PRKN: variants seen among roughly 807,000 people sequenced by gnomAD.
The protein encoded by PRKN is E3 ubiquitin-protein ligase parkin.
Under a neutral mutation model 59.5 loss-of-function variants are expected in PRKN, and 56 were observed. That is an observed-to-expected ratio of 0.94 (90% CI 0.76 to 1.18). The LOEUF is 1.18. PRKN is among the 50% of genes most tolerant of loss of function. The probability of loss-of-function intolerance (pLI) is 0.00; values close to 1 mark genes in which losing one functional copy is unlikely to be tolerated. For missense variants in PRKN, 657 were observed against 596.4 expected, an observed-to-expected ratio of 1.10 and a Z score of -1.06; for synonymous variants, 250 against 222.1, an observed-to-expected ratio of 1.13 and a Z score of -1.12.
At chr6:161,899,091 T>C (rs565943489) in intron 6 of PRKN, among the ~76,000 whole-genome samples, 1 of 152,306 alleles carries the variant, frequency 6.6e-6, no homozygotes, top group South Asian at 2.1e-4. Flanking sequence ...CCGGCCAGAG[T>C]CAGCATCCTC....
At chr6:162,104,832 G>A (rs545848479) in intron 4 of PRKN, among the ~76,000 whole-genome samples, 42 of 152,282 alleles carry the variant, frequency 2.8e-4, no homozygotes, top group South Asian at 2.7e-3. Flanking sequence ...GCAAAATTAA[G>A]AAGTAAAATA....
intron 8 of PRKN, among the ~76,000 whole-genome samples, chr6:161,563,791 T>C (rs986139588): frequency 4.6e-5 from 7 of 152,186 alleles, no homozygotes; most frequent in African/African-American, 1.7e-4. Context: ...AATGAATTAG[T>C]AATTAACCAG....
intron 7 of PRKN, among the ~76,000 whole-genome samples, chr6:161,771,127 T>C (rs1233057974): frequency 6.6e-6 from 1 of 151,422 alleles, no homozygotes; most frequent in Admixed American, 6.6e-5. Context: ...GAGGCCGAGG[T>C]GGGCGGATTA....
chr6:161,434,148 G>A lies in PRKN; in HGVS notation c.1084-47271C>T, dbSNP rs562559978. 2.0e-5 allele frequency among the ~76,000 whole-genome samples: 3 copies of A among 152,202 alleles called. No homozygotes were observed. In the South Asian group the frequency reaches 6.2e-4, roughly 32 times the overall value. ...TTGTTTTCAAAATTTTGTATGTGGG[G>A]AATATATTATTAGGAAAACAGTTTG... On this transcript the variant is annotated intron_variant, in intron 9 of 11. Coordinates refer to ENST00000366898, the MANE Select transcript of PRKN (RefSeq NM_004562.3).
chr6:161,531,805 C>A (rs1181140854), intron 9 of PRKN, among the ~76,000 whole-genome samples: 1 of 151,986 alleles, frequency 6.6e-6, no homozygotes, highest in Admixed American at 6.5e-5. Context: ...GGATTACCTG[C>A]GTCTATTATC....
intron 1 of PRKN, among the ~76,000 whole-genome samples, chr6:162,690,631 A>AG (rs1380052694): frequency 6.6e-6 from 1 of 152,210 alleles, no homozygotes; most frequent in African/African-American, 2.4e-5. Flanking sequence ...TGATAACAGT[A>AG]GATAATAAAT....
intron 4 of PRKN, among the ~76,000 whole-genome samples, chr6:162,191,713 G>A (rs2128326963): frequency 6.6e-6 from 1 of 152,284 alleles, no homozygotes; most frequent in South Asian, 2.1e-4. Flanking sequence ...AAAGTGCTGG[G>A]ATTACAGGTG....
chr6:161,550,513 T>C lies in PRKN; in HGVS notation c.934-1510A>G, dbSNP rs1415254278. The stretch of plus-strand genomic sequence containing the variant: ...TCAACATCTATGCAAAAGATGGCAC[T>C]GGCTTGAACCGGGAAGGTAGTGCTG... On this transcript the variant is annotated intron_variant, in intron 8 of 11. Transcript: ENST00000366898. The surrounding 1 kb of genome is among the most constrained non-coding windows in gnomAD (Gnocchi z 4.0). Among the ~76,000 whole-genome samples the C allele has an allele frequency of 6.6e-6, 1 of 152,216 alleles. No homozygotes were observed. The highest frequency in any genetic ancestry group is 1.5e-5 in the Non-Finnish European group (1 of 68,040).
chr6:162,691,729 A>C (rs1777781550), intron 1 of PRKN, among the ~76,000 whole-genome samples: 1 of 152,196 alleles, frequency 6.6e-6, no homozygotes. Flanking sequence ...TCATAAACAA[A>C]TACTTAGAAA....
chr6:161,843,118 A>C (rs1793057013), intron 6 of PRKN, among the ~76,000 whole-genome samples: 1 of 152,170 alleles, frequency 6.6e-6, no homozygotes, highest in African/African-American at 2.4e-5. Context: ...AATAAGGGTT[A>C]ATAATTTATA....
At chr6:162,619,316 A>ATTT (rs11436212) in intron 1 of PRKN, among the ~76,000 whole-genome samples, 79 of 147,746 alleles carry the variant, frequency 5.3e-4, no homozygotes, top group Non-Finnish European at 9.3e-4. Flanking sequence ...CTAATTTTTA[A>ATTT]TTTTTTTTTT....
chr6:161,689,706 T>C (rs1454875806), intron 7 of PRKN, among the ~76,000 whole-genome samples: 3 of 152,154 alleles, frequency 2.0e-5, no homozygotes, highest in Non-Finnish European at 4.4e-5. Flanking sequence ...AGTCATTCTA[T>C]AAAGAAAAAT....
At chr6:162,359,079 A>AAAAAAAAAAAATATATATATATATAT (rs57265104) in intron 2 of PRKN, among the ~76,000 whole-genome samples, 3 of 83,244 alleles carry the variant, frequency 3.6e-5, no homozygotes, top group African/African-American at 2.2e-4. Context: ...AAAAAAAAAA[A>AAAAAAAAAAAATATATATATATATAT]ATATATATAT....
At chr6:162,399,536 C>T (rs1295407868) in intron 2 of PRKN, among the ~76,000 whole-genome samples, 1 of 151,902 alleles carries the variant, frequency 6.6e-6, no homozygotes, top group South Asian at 2.1e-4. Context: ...ATAACACATA[C>T]ACACACACAC....
intron 6 of PRKN, among the ~76,000 whole-genome samples, chr6:161,936,821 T>C (rs1045089509): frequency 2.0e-5 from 3 of 151,632 alleles, no homozygotes; most frequent in African/African-American, 7.3e-5. Context: ...AGTCTTGCTC[T>C]GTCACCCAGG....
chr6:162,594,248 G>A (rs60112129), intron 1 of PRKN, among the ~76,000 whole-genome samples: 1 of 151,974 alleles, frequency 6.6e-6, no homozygotes, highest in Non-Finnish European at 1.5e-5. Flanking sequence ...CATGCCCTTT[G>A]CATACTTTAA....
At chr6:162,039,276 C>G (rs186919487) in intron 5 of PRKN, among the ~76,000 whole-genome samples, 1 of 152,136 alleles carries the variant, frequency 6.6e-6, no homozygotes, top group Non-Finnish European at 1.5e-5. Context: ...GATCACATAA[C>G]TCTACTTCGG....
intron 1 of PRKN, among the ~76,000 whole-genome samples, chr6:162,630,988 C>G (rs1783089942): frequency 6.6e-6 from 1 of 152,114 alleles, no homozygotes; most frequent in South Asian, 2.1e-4. Flanking sequence ...TAGTATAACT[C>G]AGGAAATTAC....
At chr6:162,216,357 C>A (rs978222334) in intron 3 of PRKN, among the ~76,000 whole-genome samples, 5 of 151,176 alleles carry the variant, frequency 3.3e-5, no homozygotes, top group Admixed American at 6.6e-5. Flanking sequence ...GGTGAAACCC[C>A]GTCTCTACTA....
Sources: allele counts gnomAD v4.1 joint callset (sites outside exome capture counted in the v4.1 genomes callset), GRCh38; gene constraint gnomAD v4.1.1; non-coding constraint Gnocchi (gnomAD v3.1); transcripts MANE v1.5; gene names NCBI Gene and HGNC (gene_info 2026-07-23, HGNC 2026-07-21).